The following B3GALT2 variants were observed in gnomAD, a reference collection of about 807,000 sequenced individuals.
B3GALT2 encodes the protein UDP-Gal:betaGlcNAc beta 1,3-galactosyltransferase, polypeptide 2.
B3GALT2 carries 13 observed loss-of-function variants against 33.5 expected under a neutral mutation model. The observed-to-expected ratio is 0.39, with a 90% CI of 0.25 to 0.62. B3GALT2 has a LOEUF of 0.62. Ranked by LOEUF, B3GALT2 falls within the 20% of genes least tolerant of loss-of-function variation. The pLI, the probability that B3GALT2 is intolerant of heterozygous loss-of-function variation, is 0.53. For missense variants in B3GALT2, 418 were observed against 509.1 expected, an observed-to-expected ratio of 0.82 and a Z score of 1.72; for synonymous variants, 195 against 172.7, an observed-to-expected ratio of 1.13 and a Z score of -1.01.
At position 193,179,572 on chromosome 1, in the gene B3GALT2, A is replaced by G. The variant is rs1270733810; in HGVS notation, c.*722T>C. ...ATCAATGAGGAAACAAAACTTGTCT[A>G]TTTTGAAACATTTAATAACTATAAA... On this transcript the variant is annotated 3_prime_UTR_variant, in exon 2 of 2. Transcript: ENST00000367434. 1 of 152,612 alleles carries G rather than the reference A, an allele frequency of 6.6e-6. No individual in the cohort carries two copies. The highest frequency in any genetic ancestry group is 1.5e-5 in the Non-Finnish European group (1 of 68,008). The allele number at this position is 152,612 out of a possible 1,614,324, so 9.5% of individuals were successfully genotyped here.
chr1:193,181,058 C>G lies in B3GALT2; in HGVS notation c.505G>C (p.Ala169Pro). The G allele has an allele frequency of 6.2e-7, 1 of 1,613,932 alleles. No homozygotes were observed. Among genetic ancestry groups the G allele is most frequent in the Non-Finnish European group, 8.5e-7 (1 of 1,179,968 alleles). The change falls in exon 2 of 2, where the codon GCT becomes CCT. Residue 169 changes from alanine (A) to proline (P), a missense_variant. Ala to Pro is a conservative substitution (Grantham distance 27, BLOSUM62 -1). Transcript: ENST00000367434. ...TCATTGCCCCAAGTTTGCCGAATAG[C>G]TCTTCTAGCTTCTATTTGTCCAGGC... ...AEPGQIEARR[A>P]IRQTWGNESL...
intron 1 of B3GALT2, among the ~76,000 whole-genome samples, chr1:193,184,013 A>G (rs967185364): frequency 6.6e-6 from 1 of 151,910 alleles, no homozygotes; most frequent in East Asian, 1.9e-4. Flanking sequence ...AGATGTCTCT[A>G]AAGTATTTTA....
chr1:193,180,958 T>G lies in B3GALT2; in HGVS notation c.605A>C (p.Gln202Pro). The G allele has an allele frequency of 1.2e-6, 2 of 1,613,526 alleles. No homozygotes were observed. Among genetic ancestry groups the G allele is most frequent in the Non-Finnish European group, 1.7e-6 (2 of 1,179,958 alleles). The change falls in exon 2 of 2, where the codon CAA (glutamine) becomes CCA (proline). Residue 202 changes from glutamine to proline, a missense_variant. Physicochemically the swap from Gln to Pro is moderately conservative, Grantham distance 76. Transcript: ENST00000367434. ...GLSIKLNGYL[Q>P]RAILEESRQY... is the part of the protein sequence containing the mutation. ...TCTGCTTTCTTCCAGTATTGCACGT[T>G]GAAGGTAGCCATTTAGCTTAATACT...
chr1:193,184,813 A>G (rs1460036456), intron 1 of B3GALT2, among the ~76,000 whole-genome samples: 1 of 151,922 alleles, frequency 6.6e-6, no homozygotes, highest in African/African-American at 2.4e-5. Flanking sequence ...TTGAGGTGTA[A>G]TAGAGTCTGG....
chr1:193,181,651 A>G lies in B3GALT2; in HGVS notation c.-89T>C, dbSNP rs1676719082. The G allele has an allele frequency of 8.2e-7, 1 of 1,225,984 alleles. No individual in the cohort carries two copies. Among genetic ancestry groups the G allele is most frequent in the Admixed American group, 2.5e-5 (1 of 40,486 alleles). 75.9% of individuals were successfully genotyped at this position (1,225,984 alleles called of 1,614,324 possible). A position where few individuals can be genotyped will look rare whatever the true frequency, so the allele number is the denominator to read the frequency against. On this transcript the variant is annotated 5_prime_UTR_variant, in exon 2 of 2. Coordinates refer to ENST00000367434, the MANE Select transcript of B3GALT2 (RefSeq NM_003783.3). ...TACTATTCTTTGGCAATCATTTTCT[A>G]ATTCAGTCACATTGTCTCTCTTGTA...
rs1676672455 is a variant in B3GALT2, at chr1:193,179,444, T to C, written c.*850A>G. On this transcript the variant is annotated 3_prime_UTR_variant, in exon 2 of 2. Coordinates refer to ENST00000367434, the MANE Select transcript of B3GALT2 (RefSeq NM_003783.3). ...TTTGCTTCGATTATCTTTACAGATA[T>C]ATTCGAAGTTAGATATACATGAAAT... 1 of 152,652 alleles carries C rather than the reference T, an allele frequency of 6.6e-6. No homozygotes were observed. The highest frequency in any genetic ancestry group is 1.9e-4 in the East Asian group (1 of 5,204). 9.5% of individuals were successfully genotyped at this position (152,652 alleles called of 1,614,324 possible). A position where few individuals can be genotyped will look rare whatever the true frequency, so the allele number is the denominator to read the frequency against.
Position 193,181,061 on chromosome 1 carries a change from T to C in B3GALT2, c.502A>G (p.Arg168Gly), listed in dbSNP as rs1438768921. 1 of 1,613,922 alleles carries C rather than the reference T, an allele frequency of 6.2e-7. No homozygotes were observed. The highest frequency in any genetic ancestry group is 8.5e-7 in the Non-Finnish European group (1 of 1,179,976). Residue 168 changes from arginine to glycine, a missense_variant, in exon 2 of 2, where the codon AGA (arginine) becomes GGA (glycine). By Grantham distance (125) the Arg-to-Gly change is moderately radical (BLOSUM62 -2). Around this residue, in one of 3 missense-constraint regions of B3GALT2, gnomAD observed 188 missense variants for 197.5 expected, o/e 0.95. Transcript: ENST00000367434. ...TTGCCCCAAGTTTGCCGAATAGCTCTTCTAGCTTCTATTTGTCCAGGCTCT... is the reference window on the plus strand; with the variant it reads ...TTGCCCCAAGTTTGCCGAATAGCTCCTCTAGCTTCTATTTGTCCAGGCTCT... ...AAEPGQIEAR[R>G]AIRQTWGNES... is the part of the protein sequence containing the mutation.
At position 193,181,236 on chromosome 1, in the gene B3GALT2, A is replaced by G; in HGVS notation, c.327T>C (p.Val109=). The part of the protein sequence containing the change: ...SNNTDLSPQG[V]TGLENTLSAN... ...CACTAAGTGTATTCTCCAGGCCTGT[A>G]ACTCCTTGTGGTGACAGGTCTGTGT... Residue 109 remains valine, a synonymous_variant, in exon 2 of 2, where the codon GTT becomes GTC. Coordinates refer to ENST00000367434, the MANE Select transcript of B3GALT2 (RefSeq NM_003783.3). 6.2e-7 allele frequency: 1 copy of G among 1,614,046 alleles called. No individual in the cohort carries two copies. Among genetic ancestry groups the G allele is most frequent in the Non-Finnish European group, 8.5e-7 (1 of 1,179,926 alleles).
At position 193,180,033 on chromosome 1, in the gene B3GALT2, A is replaced by AT; in HGVS notation, c.*260dup. ...CCCTAACAGAAGACTTGAACCATTG[A>AT]TTTATGCATGCTTGTTATTGCATGT... is the stretch of plus-strand genomic sequence containing the variant. On this transcript the variant is annotated 3_prime_UTR_variant, in exon 2 of 2. Transcript: ENST00000367434. 3.6e-6 allele frequency: 1 copy of AT among 274,074 alleles called. No homozygotes were observed. Among genetic ancestry groups the AT allele is most frequent in the East Asian group, 6.6e-5 (1 of 15,254 alleles). 17.0% of individuals were successfully genotyped at this position (274,074 alleles called of 1,614,324 possible).
intron 1 of B3GALT2, among the ~76,000 whole-genome samples, chr1:193,184,290 AAG>A (rs962309193): frequency 3.3e-5 from 5 of 151,930 alleles, no homozygotes; most frequent in African/African-American, 1.2e-4. Context: ...TTTTGTTAAA[AAG>A]AATATAAAAT....
chr1:193,180,212 G>GA lies in B3GALT2; in HGVS notation c.*81_*82insT. 1 of 1,239,094 alleles carries GA rather than the reference G, an allele frequency of 8.1e-7. No individual in the cohort carries two copies. Among genetic ancestry groups the GA allele is most frequent in the Non-Finnish European group, 1.1e-6 (1 of 921,316 alleles). The allele number at this position is 1,239,094 out of a possible 1,614,324, so 76.8% of individuals were successfully genotyped here. On this transcript the variant is annotated 3_prime_UTR_variant, in exon 2 of 2. Coordinates refer to ENST00000367434, the MANE Select transcript of B3GALT2 (RefSeq NM_003783.3). Reference sequence around the variant, plus strand: ...ATGTGATGAGTTTTAACTAAAACTTGTCCTACGGATGTAATCAGTTCTAAC... The same window carrying GA: ...ATGTGATGAGTTTTAACTAAAACTTGATCCTACGGATGTAATCAGTTCTAAC...
In B3GALT2 at chr1:193,181,232, C is replaced by T. The variant is rs1676709837; in HGVS notation, c.331G>A (p.Gly111Ser). Residue 111 changes from glycine to serine, a missense_variant, in exon 2 of 2, where the codon GGC (glycine) becomes AGC (serine). Gly to Ser is a moderately conservative substitution (Grantham distance 56). Coordinates refer to ENST00000367434, the MANE Select transcript of B3GALT2 (RefSeq NM_003783.3). Reference protein sequence around the residue: ...NTDLSPQGVTGLENTLSANGS... With the variant: ...NTDLSPQGVTSLENTLSANGS... ...TTGGCACTAAGTGTATTCTCCAGGC[C>T]TGTAACTCCTTGTGGTGACAGGTCT... 1 of 1,613,922 alleles carries T rather than the reference C, an allele frequency of 6.2e-7. No homozygotes were observed. Among genetic ancestry groups the T allele is most frequent in the African/African-American group, 1.3e-5 (1 of 74,916 alleles).
Position 193,181,357 on chromosome 1 carries a change from G to A in B3GALT2, c.206C>T (p.Ser69Leu). ...GCTGTGGTTTGTCTCACTTTTTGTT[G>A]ACCGAAATCCTCGGAAAGTGTATGT... ...PVTYTFRGFR[S>L]TKSETNHSSL... The change falls in exon 2 of 2, where the codon TCA becomes TTA. Residue 69 changes from serine to leucine, a missense_variant. Transcript: ENST00000367434. 1 of 1,613,952 alleles carries A rather than the reference G, an allele frequency of 6.2e-7. No individual in the cohort carries two copies. The highest frequency in any genetic ancestry group is 8.5e-7 in the Non-Finnish European group (1 of 1,179,916).
At position 193,180,322 on chromosome 1, in the gene B3GALT2, C is replaced by T. The variant is rs373501556; in HGVS notation, c.1241G>A (p.Gly414Asp). 3 of 1,587,718 alleles carry T rather than the reference C, an allele frequency of 1.9e-6. No homozygotes were observed. The highest frequency in any genetic ancestry group is 2.6e-6 in the Non-Finnish European group (3 of 1,166,966). ...ATGTAGTTTACGGTGGCGATACCTGCCTGCCTTTTCTTTTGCTGCGTTGGC... is the reference window on the plus strand; with the variant it reads ...ATGTAGTTTACGGTGGCGATACCTGTCTGCCTTTTCTTTTGCTGCGTTGGC... ...ACANAAKEKA[G>D]RYRHRKLH is the part of the protein sequence containing the mutation. The change falls in exon 2 of 2, where the codon GGC (glycine) becomes GAC (aspartate). Residue 414 changes from glycine to aspartate, a missense_variant. Around this residue, in one of 3 missense-constraint regions of B3GALT2, gnomAD observed 226 missense variants for 293.9 expected, o/e 0.77. Transcript: ENST00000367434.
intron 1 of B3GALT2, among the ~76,000 whole-genome samples, chr1:193,184,744 T>G (rs1357774990): frequency 1.3e-5 from 2 of 151,956 alleles, no homozygotes; most frequent in African/African-American, 4.8e-5. Context: ...CAACCATATT[T>G]TTTAGTACTA....
In B3GALT2 at chr1:193,180,455, A is replaced by C; in HGVS notation, c.1108T>G (p.Ser370Ala). The C allele has an allele frequency of 1.2e-6, 2 of 1,614,088 alleles. No individual in the cohort carries two copies. The highest frequency in any genetic ancestry group is 1.7e-6 in the Non-Finnish European group (2 of 1,179,938). The change falls in exon 2 of 2, where the codon TCT becomes GCT. Residue 370 changes from serine to alanine, a missense_variant. Around this residue, in one of 3 missense-constraint regions of B3GALT2, gnomAD observed 226 missense variants for 293.9 expected, o/e 0.77. Transcript: ENST00000367434. ...TGGCTGTATTTACAGCTCGAATAAGAGACTCGCCAGTGATTGAACACAAAC... is the reference window on the plus strand; with the variant it reads ...TGGCTGTATTTACAGCTCGAATAAGCGACTCGCCAGTGATTGAACACAAAC... ...NEFVFNHWRVSYSSCKYSHLI... is the reference protein window; with the variant it reads ...NEFVFNHWRVAYSSCKYSHLI...
Position 193,181,559 on chromosome 1 carries a change from G to A in B3GALT2, c.4C>T (p.Leu2Phe). Residue 2 changes from leucine (L) to phenylalanine (F), a missense_variant, in exon 2 of 2, where the codon CTT becomes TTT. This residue lies in a region of B3GALT2 where 188 missense variants were observed against 197.5 expected (regional missense o/e 0.95). Coordinates refer to ENST00000367434, the MANE Select transcript of B3GALT2 (RefSeq NM_003783.3). ...CAGCAGTGTCTTCTCCTCCACTGAA[G>A]CATGTTGTAAATATCCAGTAGTGGT... MLQWRRRHCCFA... is the reference protein window; with the variant it reads MFQWRRRHCCFA... 6.3e-7 allele frequency: 1 copy of A among 1,580,636 alleles called. No individual in the cohort carries two copies. Among genetic ancestry groups the A allele is most frequent in the Non-Finnish European group, 8.6e-7 (1 of 1,166,766 alleles).
intron 1 of B3GALT2, among the ~76,000 whole-genome samples, chr1:193,183,204 G>A (rs1676748904): frequency 1.3e-5 from 2 of 151,686 alleles, no homozygotes; most frequent in South Asian, 4.2e-4. Flanking sequence ...GAATGAAAGT[G>A]CTATTATAGT....
chr1:193,180,832 T>C lies in B3GALT2; in HGVS notation c.731A>G (p.His244Arg), dbSNP rs1188264062. 6.2e-7 allele frequency: 1 copy of C among 1,614,090 alleles called. No homozygotes were observed. The highest frequency in any genetic ancestry group is 1.7e-5 in the Admixed American group (1 of 60,020). Residue 244 changes from histidine (H) to arginine (R), a missense_variant, in exon 2 of 2, where the codon CAT becomes CGT. This residue lies in a region of B3GALT2 where 226 missense variants were observed against 293.9 expected (regional missense o/e 0.77). Coordinates refer to ENST00000367434, the MANE Select transcript of B3GALT2 (RefSeq NM_003783.3). ...GTCAGTTTTCATAACATATGGAATA[T>C]GTGGACAGTATGTTGCAACCCAGTT... is the stretch of plus-strand genomic sequence containing the variant. ...GMNWVATYCP[H>R]IPYVMKTDSD...
Sources: allele counts gnomAD v4.1 joint callset (sites outside exome capture counted in the v4.1 genomes callset), GRCh38; gene constraint gnomAD v4.1.1; regional missense constraint gnomAD v4.1.1; transcripts MANE v1.5; gene names NCBI Gene and HGNC (gene_info 2026-07-23, HGNC 2026-07-21).